Variants in ANAPC5 observed in about 807,000 individuals in gnomAD.
ANAPC5 encodes anaphase promoting complex subunit 5, also known as anaphase-promoting complex subunit 5.
Under a neutral mutation model 91.3 loss-of-function variants are expected in ANAPC5, and 60 were observed. The observed-to-expected ratio is 0.66, with a 90% CI of 0.53 to 0.81. The LOEUF is 0.81. Ranked by LOEUF, ANAPC5 falls within the 40% of genes least tolerant of loss-of-function variation. The probability of loss-of-function intolerance (pLI) is 0.00; values close to 1 mark genes in which losing one functional copy is unlikely to be tolerated. For synonymous variants in ANAPC5, 340 were observed against 364.1 expected, an observed-to-expected ratio of 0.93 and a Z score of 0.75; for missense variants, 690 against 931.5, an observed-to-expected ratio of 0.74 and a Z score of 3.37.
chr12:121,322,948 C>T (rs1279876855), intron 11 of ANAPC5, among the ~76,000 whole-genome samples: 19 of 152,080 alleles, frequency 1.2e-4, no homozygotes, highest in Non-Finnish European at 4.4e-5. Context: ...TCGCTTGAAC[C>T]CAGGAGGCAG....
Position 121,346,998 on chromosome 12 carries a change from G to C in ANAPC5, c.295C>G (p.Leu99Val). Residue 99 changes from leucine (L) to valine (V), a missense_variant, in exon 3 of 17, where the codon CTG becomes GTG. Transcript: ENST00000261819. ...TCCTTCAACTCGCCTTCAGCCATCA[G>C]TTTGATTCTGAATGAGAAAATCGAG... is the stretch of plus-strand genomic sequence containing the variant. ...LANSVQIRIK[L>V]MAEGELKDME... is the part of the protein sequence containing the mutation. 6.2e-7 allele frequency: 1 copy of C among 1,602,226 alleles called. No homozygotes were observed. The highest frequency in any genetic ancestry group is 8.5e-7 in the Non-Finnish European group (1 of 1,175,882).
At chr12:121,344,009 T>A (rs1903561256) in intron 4 of ANAPC5, among the ~76,000 whole-genome samples, 1 of 152,164 alleles carries the variant, frequency 6.6e-6, no homozygotes, top group Non-Finnish European at 1.5e-5. Flanking sequence ...GAAGGAGAAG[T>A]AAAACAGCAA....
At position 121,318,367 on chromosome 12, in the gene ANAPC5, C is replaced by T. The variant is rs1179596898; in HGVS notation, c.1803G>A (p.Leu601=). Residue 601 remains leucine, a synonymous_variant, in exon 15 of 17, where the codon CTG becomes CTA. Transcript: ENST00000261819. ...YWRSSSPTIA[L]PMLLQALALS... Reference sequence around the variant, plus strand: ...GGGCCAGAGCCTGCAGGAGCATGGGCAGCGCGATGGTAGGGGAGGAAGATC... The same window carrying T: ...GGGCCAGAGCCTGCAGGAGCATGGGTAGCGCGATGGTAGGGGAGGAAGATC... 6 of 1,612,170 alleles carry T rather than the reference C, an allele frequency of 3.7e-6. No individual in the cohort carries two copies. The highest frequency in any genetic ancestry group is 5.1e-6 in the Non-Finnish European group (6 of 1,179,116).
rs1903206043 is a variant in ANAPC5 at position 121,335,673 on chromosome 12, T to C, written c.810A>G (p.Ser270=). ...CAAAATAATGGAGGAGACTGTGTGT[T>C]GAACTGAAAACATCTTGGACACGGA... ...NNLRVQDVFS[S]THSLLHYFDR... The change falls in exon 7 of 17, where the codon TCA becomes TCG. Residue 270 remains serine, a synonymous_variant. Transcript: ENST00000261819. The C allele has an allele frequency of 5.0e-6, 8 of 1,613,004 alleles. No individual in the cohort carries two copies. Among genetic ancestry groups the C allele is most frequent in the Non-Finnish European group, 6.8e-6 (8 of 1,179,082 alleles).
Position 121,330,639 on chromosome 12 carries a change from CG to C in ANAPC5, c.1065del (p.Asp356IlefsTer10). ...GAATGCTCCAGCAGAACATAGCTAT[CG>C]GATCTCTTCTGCCCCAGCACATAAA... ...SWLYVLGQKR[S>X]DSYVLLEHSV... On this transcript the variant is annotated frameshift_variant, in exon 9 of 17. Coordinates refer to ENST00000261819, the MANE Select transcript of ANAPC5 (RefSeq NM_016237.5). LOFTEE classifies it high-confidence loss of function. 6.2e-7 allele frequency: 1 copy of C among 1,614,084 alleles called. No homozygotes were observed. Among genetic ancestry groups the C allele is most frequent in the Non-Finnish European group, 8.5e-7 (1 of 1,179,972 alleles).
intron 5 of ANAPC5, among the ~76,000 whole-genome samples, chr12:121,339,888 T>G (rs1438315483): frequency 2.7e-5 from 4 of 146,414 alleles, no homozygotes; most frequent in African/African-American, 1.0e-4. Flanking sequence ...TTTTTTTTTT[T>G]TTTCCCAGAT....
chr12:121,352,118 A>C lies in ANAPC5; in HGVS notation c.207+16T>G. ...AAAGTTTGCTGCACGAGCAGGAGCC[A>C]GCGGGCGCCTCTCACCTGCAGCAGG... On this transcript the variant is annotated intron_variant, in intron 1 of 16. Transcript: ENST00000261819. 6.3e-7 allele frequency: 1 copy of C among 1,593,296 alleles called. No individual in the cohort carries two copies. Among genetic ancestry groups the C allele is most frequent in the Non-Finnish European group, 8.6e-7 (1 of 1,166,720 alleles).
At chr12:121,347,643 T>A (rs568138460) in intron 2 of ANAPC5, 159 bp downstream of exon 2, 1 of 613,348 alleles carries the variant, frequency 1.6e-6, no homozygotes, top group South Asian at 2.1e-5. Flanking sequence ...AAGAAAAAGC[T>A]ATCCATTTTT....
chr12:121,332,844 T>C (rs538220689), intron 7 of ANAPC5: 8 of 152,334 alleles, frequency 5.3e-5, no homozygotes, highest in African/African-American at 1.2e-4. Context: ...ATTGATAATA[T>C]TGTAAACATA....
chr12:121,328,880 AAAT>A (rs1902921003), intron 9 of ANAPC5: 1 of 178,174 alleles, frequency 5.6e-6, no homozygotes, highest in Non-Finnish European at 1.2e-5. Flanking sequence ...GATTACAATG[AAAT>A]AATAGATGTC....
intron 7 of ANAPC5, chr12:121,332,208 C>T (rs1903069961): frequency 1.3e-5 from 2 of 152,428 alleles, no homozygotes; most frequent in South Asian, 2.1e-4. Context: ...AGCGATCCTC[C>T]TTCTTTGGCC....
chr12:121,312,311 C>A (rs1467346271), intron 15 of ANAPC5, among the ~76,000 whole-genome samples: 1 of 152,122 alleles, frequency 6.6e-6, no homozygotes, highest in East Asian at 1.9e-4. Context: ...TGCCTGTAAT[C>A]CCAGCACTCT....
intron 4 of ANAPC5, among the ~76,000 whole-genome samples, chr12:121,344,079 C>CTA (rs1304520907): frequency 4.6e-5 from 7 of 152,128 alleles, no homozygotes; most frequent in African/African-American, 1.7e-4. Context: ...GGGTGATGGA[C>CTA]TATATATTGA....
intron 11 of ANAPC5, chr12:121,326,378 G>A (rs1288727920): frequency 6.6e-6 from 1 of 152,190 alleles, no homozygotes; most frequent in Non-Finnish European, 1.5e-5. Flanking sequence ...GAGGGCTTTA[G>A]ATAAAATAGT....
intron 15 of ANAPC5, among the ~76,000 whole-genome samples, chr12:121,312,071 C>T (rs1025500486): frequency 3.9e-5 from 6 of 152,052 alleles, no homozygotes; most frequent in African/African-American, 1.4e-4. Flanking sequence ...GTGTTTGGGC[C>T]ACAAAATAAC....
chr12:121,348,570 C>G (rs180865243), intron 1 of ANAPC5, among the ~76,000 whole-genome samples: 1 of 152,062 alleles, frequency 6.6e-6, no homozygotes, highest in Non-Finnish European at 1.5e-5. Context: ...GAGGCTGAGG[C>G]GGGAGAATGG....
At chr12:121,326,850 C>T (rs913597405) in intron 11 of ANAPC5, among the ~76,000 whole-genome samples, 2 of 152,284 alleles carry the variant, frequency 1.3e-5, no homozygotes, top group South Asian at 4.1e-4. Context: ...TATTTATTTC[C>T]TTAGTTACAT....
At chr12:121,324,523 A>G (rs1378421937) in intron 11 of ANAPC5, among the ~76,000 whole-genome samples, 1 of 152,162 alleles carries the variant, frequency 6.6e-6, no homozygotes, top group Non-Finnish European at 1.5e-5. Flanking sequence ...GAGCATGGTT[A>G]CTTTTTAGGG....
chr12:121,311,535 C>T (rs893973341), intron 15 of ANAPC5, among the ~76,000 whole-genome samples: 6 of 152,060 alleles, frequency 3.9e-5, no homozygotes, highest in Non-Finnish European at 8.8e-5. Context: ...GAGAAATAGA[C>T]AATTCAACAA....
Sources: gnomAD v4.1 joint callset for allele counts (sites outside exome capture counted in the v4.1 genomes callset) on GRCh38, gnomAD v4.1.1 for gene constraint, MANE v1.5 for transcripts, NCBI Gene and HGNC (gene_info 2026-07-23, HGNC 2026-07-21) for gene names.